CNTN5: variants seen among roughly 807,000 people sequenced by gnomAD.
CNTN5 encodes contactin-5.
In CNTN5, 77 loss-of-function variants were observed where a neutral mutation model predicts 129.1. That is an observed-to-expected ratio of 0.60 (90% CI 0.50 to 0.72). The LOEUF is 0.72. Among genes scored for constraint, CNTN5 ranks in the 30% least tolerant of loss-of-function variants. CNTN5 has a pLI of 0.00. For synonymous variants in CNTN5, 509 were observed against 465.6 expected (o/e 1.09, Z -1.20); for missense variants, 1,478 against 1,328.8 (o/e 1.11, Z -1.75).
intron 21 of CNTN5, among the ~76,000 whole-genome samples, chr11:100,319,253 A>C (rs938130810): frequency 1.3e-5 from 2 of 151,748 alleles, no homozygotes; most frequent in African/African-American, 4.8e-5. Context: ...CCTGGGCTCA[A>C]GCAATTCTCC....
chr11:100,070,724 T>G (rs1448548052), intron 11 of CNTN5, among the ~76,000 whole-genome samples, 164 bp downstream of exon 11: 2 of 152,154 alleles, frequency 1.3e-5, no homozygotes, highest in Non-Finnish European at 2.9e-5. Context: ...AACTGAGAAT[T>G]TAACTCAATG....
chr11:99,632,196 A>T (rs1951382755), intron 3 of CNTN5, among the ~76,000 whole-genome samples: 2 of 150,384 alleles, frequency 1.3e-5, no homozygotes, highest in Non-Finnish European at 1.5e-5. Flanking sequence ...ATTTAGTGCT[A>T]AAATGTAATA....
At chr11:99,959,825 T>G (rs944442943) in intron 8 of CNTN5, among the ~76,000 whole-genome samples, 29 of 152,320 alleles carry the variant, frequency 1.9e-4, no homozygotes, top group African/African-American at 6.7e-4. Flanking sequence ...TGTTACATCG[T>G]TCAGTAACAG....
intron 7 of CNTN5, among the ~76,000 whole-genome samples, chr11:99,924,897 G>T (rs1373659950): frequency 6.6e-6 from 1 of 152,090 alleles, no homozygotes; most frequent in Non-Finnish European, 1.5e-5. Context: ...AGAAGTAAGG[G>T]TGTGTAAATT....
intron 2 of CNTN5, among the ~76,000 whole-genome samples, chr11:99,444,047 A>T (rs1410235254): frequency 6.6e-6 from 1 of 151,884 alleles, no homozygotes. Flanking sequence ...AAAATACAAA[A>T]ATTAGCTGGG....
At chr11:100,125,564 G>A (rs191526620) in intron 13 of CNTN5, among the ~76,000 whole-genome samples, 27 of 152,134 alleles carry the variant, frequency 1.8e-4, no homozygotes, top group African/African-American at 6.0e-4. Context: ...CCAGTTCACC[G>A]TTGATGGGCA....
intron 1 of CNTN5, among the ~76,000 whole-genome samples, chr11:99,276,401 AC>A (rs1030199006): frequency 2.0e-5 from 3 of 151,620 alleles, no homozygotes; most frequent in African/African-American, 7.3e-5. Flanking sequence ...AATACTTAAA[AC>A]TACACCTCAC....
intron 8 of CNTN5, among the ~76,000 whole-genome samples, chr11:99,978,506 G>A (rs1454664998): frequency 1.3e-5 from 2 of 152,106 alleles, no homozygotes; most frequent in South Asian, 4.1e-4. Context: ...CCCTGTACAG[G>A]TGTACCATTG....
At chr11:99,475,939 G>A (rs1945353435) in intron 2 of CNTN5, among the ~76,000 whole-genome samples, 1 of 151,680 alleles carries the variant, frequency 6.6e-6, no homozygotes, top group African/African-American at 2.4e-5. Flanking sequence ...TTTCCTTCAC[G>A]TGGAACTTTA....
In CNTN5 at chr11:100,285,955, G is replaced by A. The variant is rs1591476276; in HGVS notation, c.2315-11670G>A. Among the ~76,000 whole-genome samples, 2 of 152,356 alleles carry A rather than the reference G, an allele frequency of 1.3e-5. 1 individual carries two copies. ...GTTGCCTCACTTGGGAAGCGCAAGGGGTCAGGGAGCTCCCTTTCCGAGTCA... is the reference window on the plus strand; with the variant it reads ...GTTGCCTCACTTGGGAAGCGCAAGGAGTCAGGGAGCTCCCTTTCCGAGTCA... On this transcript the variant is annotated intron_variant, in intron 18 of 24. Transcript: ENST00000524871.
intron 9 of CNTN5, among the ~76,000 whole-genome samples, chr11:100,040,135 A>T (rs1942282990): frequency 6.6e-6 from 1 of 151,930 alleles, no homozygotes; most frequent in Non-Finnish European, 1.5e-5. Flanking sequence ...GGTGACGTAC[A>T]GATGGGTTTT....
chr11:99,798,001 G>T (rs576948710), intron 3 of CNTN5, among the ~76,000 whole-genome samples: 2 of 152,118 alleles, frequency 1.3e-5, no homozygotes, highest in South Asian at 2.1e-4. Context: ...GTGCATGTTT[G>T]TTACATAGGA....
chr11:99,863,944 G>T (rs1948285722), intron 6 of CNTN5, among the ~76,000 whole-genome samples: 1 of 152,080 alleles, frequency 6.6e-6, no homozygotes. Context: ...TCTTGGGCAG[G>T]TTGTTTTCTT....
chr11:99,299,867 G>T (rs1010480770), intron 1 of CNTN5, among the ~76,000 whole-genome samples: 2 of 152,098 alleles, frequency 1.3e-5, no homozygotes, highest in Non-Finnish European at 1.5e-5. Flanking sequence ...ACAAGTGTAG[G>T]TGTCTTTTTT....
At chr11:99,067,439 A>AT (rs1865148491) in intron 1 of CNTN5, among the ~76,000 whole-genome samples, 1 of 151,544 alleles carries the variant, frequency 6.6e-6, no homozygotes, top group African/African-American at 2.4e-5. Context: ...AAAAAAAAAA[A>AT]AGGTGAAATC....
intron 21 of CNTN5, chr11:100,337,211 T>A (rs1279192611): frequency 6.5e-7 from 1 of 1,540,766 alleles, no homozygotes; most frequent in Non-Finnish European, 8.9e-7. Context: ...AACACTGTAG[T>A]TCCTCCAGAA....
intron 1 of CNTN5, among the ~76,000 whole-genome samples, chr11:99,316,581 C>T (rs779247401): frequency 2.0e-5 from 3 of 151,996 alleles, no homozygotes; most frequent in South Asian, 4.1e-4. Flanking sequence ...TTTCAGTAGA[C>T]GACCCTTCGG....
Position 100,290,742 on chromosome 11 carries a change from C to A in CNTN5, c.2315-6883C>A, listed in dbSNP as rs1422341429. On this transcript the variant is annotated intron_variant, in intron 18 of 24. Coordinates refer to ENST00000524871, the MANE Select transcript of CNTN5 (RefSeq NM_014361.4). The stretch of plus-strand genomic sequence containing the variant: ...ACACCAAAAGCAATGGCAACAAAAG[C>A]CAAAATTGACAAATGGGATCTAATT... 2.7e-3 allele frequency among the ~76,000 whole-genome samples: 403 copies of A among 150,262 alleles called. 3 individuals are homozygous for A. The highest frequency in any genetic ancestry group is 9.1e-3 in the African/African-American group (375 of 41,216).
chr11:99,148,643 T>C (rs2135481830), intron 1 of CNTN5, among the ~76,000 whole-genome samples: 1 of 152,330 alleles, frequency 6.6e-6, no homozygotes, highest in African/African-American at 2.4e-5. Flanking sequence ...TACAAGATTA[T>C]ACTCTTAAGT....
Sources: allele counts gnomAD v4.1 joint callset (sites outside exome capture counted in the v4.1 genomes callset), GRCh38; gene constraint gnomAD v4.1.1; transcripts MANE v1.5; gene names NCBI Gene and HGNC (gene_info 2026-07-23, HGNC 2026-07-21).